Variants in PYHIN1 observed in about 807,000 individuals in gnomAD.
The protein encoded by PYHIN1 is pyrin and HIN domain family member 1.
In PYHIN1, 32 loss-of-function variants were observed where a neutral mutation model predicts 43.7. That is an observed-to-expected ratio of 0.73 (90% CI 0.55 to 0.98). The LOEUF is 0.98. PYHIN1 is among the 50% of genes least tolerant of loss of function. The probability of loss-of-function intolerance (pLI) is 0.00; values close to 1 mark genes in which losing one functional copy is unlikely to be tolerated. For synonymous variants in PYHIN1, 205 were observed against 203.1 expected, an observed-to-expected ratio of 1.01 and a Z score of -0.08; for missense variants, 588 against 589.5, an observed-to-expected ratio of 1.00 and a Z score of 0.03.
Position 158,936,919 on chromosome 1 carries a change from T to TA in PYHIN1, c.11dup (p.Asn4LysfsTer16). The TA allele has an allele frequency of 6.3e-7, 1 of 1,579,714 alleles. No homozygotes were observed. Among genetic ancestry groups the TA allele is most frequent in the Admixed American group, 1.8e-5 (1 of 54,140 alleles). On this transcript the variant is annotated frameshift_variant, in exon 2 of 9. Transcript: ENST00000368140. LOFTEE classifies it high-confidence loss of function. ...CACTTATATCTTTAGAGATGGCAAA[T>TA]AACTACAAGAAAATTGTTCTACTGA...
chr1:158,955,007 G>C (rs1215253801), intron 7 of PYHIN1, among the ~76,000 whole-genome samples: 1 of 151,958 alleles, frequency 6.6e-6, no homozygotes, highest in East Asian at 1.9e-4. Context: ...GACAAAGAAG[G>C]CCATTACATA....
intron 7 of PYHIN1, among the ~76,000 whole-genome samples, chr1:158,956,675 T>C (rs1444380833): frequency 2.0e-5 from 3 of 151,176 alleles, no homozygotes; most frequent in Non-Finnish European, 4.4e-5. Context: ...CTGGAAGCAT[T>C]CCCTTTGAAA....
At chr1:158,972,856 C>T (rs1267067572) in intron 7 of PYHIN1, among the ~76,000 whole-genome samples, 1 of 152,030 alleles carries the variant, frequency 6.6e-6, no homozygotes, top group East Asian at 1.9e-4. Flanking sequence ...TAATACTTGT[C>T]ACCACAGTAA....
chr1:158,936,306 C>T (rs182348832), intron 1 of PYHIN1, among the ~76,000 whole-genome samples: 30 of 146,412 alleles, frequency 2.0e-4, no homozygotes, highest in African/African-American at 6.1e-4. Flanking sequence ...TAAGAACATG[C>T]GGTGTTTGGT....
At chr1:158,946,817 T>C (rs757438730) in intron 7 of PYHIN1, among the ~76,000 whole-genome samples, 9 of 152,152 alleles carry the variant, frequency 5.9e-5, no homozygotes, top group Non-Finnish European at 1.3e-4. Context: ...TTAAAATGGA[T>C]AAAATATTTA....
chr1:158,957,719 C>G (rs1650035271), intron 7 of PYHIN1, among the ~76,000 whole-genome samples: 1 of 144,016 alleles, frequency 6.9e-6, no homozygotes. Flanking sequence ...TCTAAAACAC[C>G]AAAAGCAATG....
intron 7 of PYHIN1, among the ~76,000 whole-genome samples, chr1:158,966,130 A>T (rs1650618615): frequency 6.6e-6 from 1 of 152,186 alleles, no homozygotes; most frequent in African/African-American, 2.4e-5. Context: ...ACCTAGAAGA[A>T]ATGGATAAAT....
chr1:158,974,337 T>C (rs1623601), intron 8 of PYHIN1, among the ~76,000 whole-genome samples: 110,615 of 151,984 alleles, frequency 0.73, 42,792 homozygotes, highest in Non-Finnish European at 0.85. Flanking sequence ...CCTGAACATT[T>C]CTCTTTATTT....
intron 7 of PYHIN1, 26 bp from the exon 8 acceptor site, chr1:158,973,621 T>A: frequency 6.2e-7 from 1 of 1,611,600 alleles, no homozygotes; most frequent in Non-Finnish European, 8.5e-7. Flanking sequence ...AGTGAAAGAC[T>A]AAATTACCCA....
chr1:158,946,325 A>T (rs856085), intron 7 of PYHIN1, among the ~76,000 whole-genome samples: 122,786 of 152,132 alleles, frequency 0.81, 50,995 homozygotes, highest in East Asian at 0.99. Context: ...TGGTAAAAAA[A>T]ATCAGTGAAA....
intron 2 of PYHIN1, among the ~76,000 whole-genome samples, chr1:158,937,806 C>T (rs1194269929): frequency 6.6e-6 from 1 of 152,016 alleles, no homozygotes; most frequent in Admixed American, 6.6e-5. Context: ...ATTAGCCAGG[C>T]GTGGTGGCAG....
intron 2 of PYHIN1, 111 bp downstream of exon 2, chr1:158,937,286 T>C: frequency 1.7e-6 from 2 of 1,198,582 alleles, no homozygotes; most frequent in Non-Finnish European, 2.3e-6. Flanking sequence ...AATTTGTGAC[T>C]CACTGGCCAT....
intron 1 of PYHIN1, 94 bp from the exon 2 acceptor site, chr1:158,936,797 T>C: frequency 6.5e-6 from 5 of 774,206 alleles, no homozygotes; most frequent in Non-Finnish European, 9.5e-6. Context: ...AATGAACAAC[T>C]CTTTCTTATG....
chr1:158,934,954 C>CCTTG (rs1476239593), intron 1 of PYHIN1, among the ~76,000 whole-genome samples: 1 of 152,006 alleles, frequency 6.6e-6, no homozygotes, highest in Non-Finnish European at 1.5e-5. Context: ...GGTCTTGAAC[C>CCTTG]CTTGACCTCA....
chr1:158,935,295 TA>T (rs74959752), intron 1 of PYHIN1, among the ~76,000 whole-genome samples: 2,208 of 126,780 alleles, frequency 0.017, 5 homozygotes, highest in African/African-American at 0.018. Context: ...TGCCAGAGGT[TA>T]AAAAAAAAAA....
At chr1:158,983,650 CAT>C in the PYHIN1 span, among the ~76,000 whole-genome samples, 86 of 152,136 alleles carry the variant, frequency 5.7e-4, no homozygotes, top group Admixed American at 1.9e-3. Flanking sequence ...ATGCTGACCT[CAT>C]AGAATGATTC....
chr1:158,937,087 T>C lies in PYHIN1; in HGVS notation c.177T>C (p.Asp59=). ...TGATGGAGGAAAAGTTCCCAGGTGATGCCGGTTTGGGCAAACTAATAGAAT... is the reference window on the plus strand; with the variant it reads ...TGATGGAGGAAAAGTTCCCAGGTGACGCCGGTTTGGGCAAACTAATAGAAT... The part of the protein sequence containing the change: ...ADLMEEKFPG[D]AGLGKLIEFF... Residue 59 remains aspartate (D), a synonymous_variant, in exon 2 of 9, where the codon GAT becomes GAC. Coordinates refer to ENST00000368140, the MANE Select transcript of PYHIN1 (RefSeq NM_152501.5). 1 of 1,614,190 alleles carries C rather than the reference T, an allele frequency of 6.2e-7. No individual in the cohort carries two copies. Among genetic ancestry groups the C allele is most frequent in the African/African-American group, 1.3e-5 (1 of 75,056 alleles).
At chr1:158,979,164 C>T (rs368878472), downstream of PYHIN1, among the ~76,000 whole-genome samples, 2 of 152,142 alleles carry the variant, frequency 1.3e-5, no homozygotes, top group African/African-American at 2.4e-5. Context: ...GATAAGAGCA[C>T]GTGAGATCAA....
Position 158,941,805 on chromosome 1 carries a change from C to T in PYHIN1, c.580-172C>T, listed in dbSNP as rs924510864. Among the ~76,000 whole-genome samples, 72 of 152,250 alleles carry T rather than the reference C, an allele frequency of 4.7e-4. 1 individual carries two copies. The highest frequency in any genetic ancestry group is 2.9e-4 in the Non-Finnish European group (20 of 68,020). On this transcript the variant is annotated intron_variant, in intron 4 of 8. Coordinates refer to ENST00000368140, the MANE Select transcript of PYHIN1 (RefSeq NM_152501.5). ...ACTATGTGGTCTCCTATATTACTTC[C>T]TCTGGCTATGAGACTACTTCAGAAT...
Sources: gnomAD v4.1 joint callset for allele counts (sites outside exome capture counted in the v4.1 genomes callset) on GRCh38, gnomAD v4.1.1 for gene constraint, MANE v1.5 for transcripts, NCBI Gene and HGNC (gene_info 2026-07-23, HGNC 2026-07-21) for gene names.